The following ETNK2 variants were observed in gnomAD, a reference collection of about 807,000 sequenced individuals.
ETNK2 encodes the protein ethanolamine kinase 2.
In ETNK2, 33 loss-of-function variants were observed where a neutral mutation model predicts 46.2. The observed-to-expected ratio is 0.71, with a 90% CI of 0.54 to 0.96. The LOEUF (loss-of-function observed/expected upper bound fraction) is 0.96. Among genes scored for constraint, ETNK2 ranks in the 40% least tolerant of loss-of-function variants. The probability of loss-of-function intolerance (pLI) is 0.00; values close to 1 mark genes in which losing one functional copy is unlikely to be tolerated. For missense variants in ETNK2, 445 were observed against 509.7 expected, an observed-to-expected ratio of 0.87 and a Z score of 1.22; for synonymous variants, 194 against 209.0, an observed-to-expected ratio of 0.93 and a Z score of 0.62.
intron 6 of ETNK2, among the ~76,000 whole-genome samples, chr1:204,135,952 T>C (rs994028328): frequency 7.2e-5 from 11 of 152,084 alleles, no homozygotes; most frequent in Admixed American, 5.2e-4. Flanking sequence ...GCACTGAAAA[T>C]TGAGAACTGA....
chr1:204,136,403 G>GTATATATATATATATATATA (rs35373627), intron 6 of ETNK2, among the ~76,000 whole-genome samples: 85 of 139,790 alleles, frequency 6.1e-4, no homozygotes, highest in Middle Eastern at 7.2e-3. Context: ...CTCAAAAAAA[G>GTATATATATATATATATATA]TATATATATA....
intron 6 of ETNK2, among the ~76,000 whole-genome samples, chr1:204,136,211 C>T (rs1163152386): frequency 6.6e-6 from 1 of 151,580 alleles, no homozygotes; most frequent in African/African-American, 2.4e-5. Context: ...GCCTGGGCAA[C>T]ATAGCAATAG....
intron 2 of ETNK2, 40 bp from the exon 3 acceptor site, chr1:204,146,804 G>A: frequency 6.2e-7 from 1 of 1,612,798 alleles, no homozygotes; most frequent in Non-Finnish European, 8.5e-7. Context: ...TCAGTGCTGG[G>A]ACATTGCCTT....
chr1:204,145,341 G>T (rs1459276477), intron 3 of ETNK2, among the ~76,000 whole-genome samples: 2 of 152,254 alleles, frequency 1.3e-5, no homozygotes, highest in Non-Finnish European at 2.9e-5. Flanking sequence ...GATTATGTCT[G>T]AGCACCAGAA....
Position 204,149,689 on chromosome 1 carries a change from G to A in ETNK2, c.518+14C>T. 1 of 1,566,006 alleles carries A rather than the reference G, an allele frequency of 6.4e-7. No homozygotes were observed. The highest frequency in any genetic ancestry group is 8.7e-7 in the Non-Finnish European group (1 of 1,154,956). ...GAAGAATAGTAGAGACAGAGGCCCTGGCACCCTCCTCACCTGAAAAGCCGG... is the reference window on the plus strand; with the variant it reads ...GAAGAATAGTAGAGACAGAGGCCCTAGCACCCTCCTCACCTGAAAAGCCGG... On this transcript the variant is annotated intron_variant, in intron 2 of 7. Transcript: ENST00000367202.
chr1:204,151,132 G>T lies in ETNK2; in HGVS notation c.258+463C>A. On this transcript the variant is annotated intron_variant, in intron 1 of 7. Transcript: ENST00000367202. The surrounding 1 kb of genome is among the most constrained non-coding windows in gnomAD (Gnocchi z 8.0). Reference sequence around the variant, plus strand: ...ACAGGGTGGCTCCTGGGACCCACAGGGGCAGCTCAGAGCCTGGAGGATTTG... The same window carrying T: ...ACAGGGTGGCTCCTGGGACCCACAGTGGCAGCTCAGAGCCTGGAGGATTTG... The T allele has an allele frequency of 4.6e-6, 1 of 217,806 alleles. No individual in the cohort carries two copies. Among genetic ancestry groups the T allele is most frequent in the Non-Finnish European group, 9.1e-6 (1 of 110,266 alleles). 13.5% of individuals were successfully genotyped at this position (217,806 alleles called of 1,614,324 possible). A position where few individuals can be genotyped will look rare whatever the true frequency, so the allele number is the denominator to read the frequency against.
chr1:204,143,530 G>T (rs1397766209), intron 3 of ETNK2, among the ~76,000 whole-genome samples: 1 of 152,186 alleles, frequency 6.6e-6, no homozygotes, highest in African/African-American at 2.4e-5. Flanking sequence ...TTTCAAGGCT[G>T]TGGGATCGGC....
intron 3 of ETNK2, among the ~76,000 whole-genome samples, chr1:204,145,651 T>A (rs1159127756): frequency 2.0e-5 from 3 of 152,192 alleles, no homozygotes; most frequent in Non-Finnish European, 4.4e-5. Flanking sequence ...AAGTCATGCA[T>A]GTGTGTGACA....
At chr1:204,137,332 C>T in intron 5 of ETNK2, 83 bp from the exon 6 acceptor site, 1 of 1,490,866 alleles carries the variant, frequency 6.7e-7, no homozygotes, top group Non-Finnish European at 9.0e-7. Context: ...GTTCCCATCT[C>T]CCCTCAAACT....
Position 204,141,377 on chromosome 1 carries a change from G to C in ETNK2, c.722C>G (p.Ser241Cys). Residue 241 changes from serine (S) to cysteine (C), a missense_variant, in exon 4 of 8, where the codon TCC (serine) becomes TGC (cysteine). By Grantham distance (112) the Ser-to-Cys change is moderately radical. Transcript: ENST00000367202. ...WLKEHLSQLE[S>C]PVVFCHNDLL... The stretch of plus-strand genomic sequence containing the variant: ...GTCATTGTGACAAAACACCACAGGG[G>C]ACTCCAGCTGGGACAGATGCTCCTT... The C allele has an allele frequency of 6.2e-7, 1 of 1,613,948 alleles. No individual in the cohort carries two copies. The highest frequency in any genetic ancestry group is 2.2e-5 in the East Asian group (1 of 44,878).
chr1:204,137,492 G>A (rs1179503873), intron 5 of ETNK2, among the ~76,000 whole-genome samples: 1 of 152,180 alleles, frequency 6.6e-6, no homozygotes, highest in Non-Finnish European at 1.5e-5. Flanking sequence ...GAGAGAGGTA[G>A]ACTGGTTAAG....
chr1:204,144,701 C>T (rs932388344), intron 3 of ETNK2, among the ~76,000 whole-genome samples: 1 of 152,180 alleles, frequency 6.6e-6, no homozygotes, highest in Non-Finnish European at 1.5e-5. Context: ...CTAGCTCCAA[C>T]TCTGTAGTCC....
intron 1 of ETNK2, among the ~76,000 whole-genome samples, chr1:204,150,222 T>C (rs997343544): frequency 2.0e-5 from 3 of 152,048 alleles, no homozygotes; most frequent in Non-Finnish European, 2.9e-5. Flanking sequence ...CTCTAGTGAA[T>C]GGGATTTGGC....
In ETNK2 at chr1:204,151,882, G is replaced by T. The variant is rs1221005226; in HGVS notation, c.-30C>A. 7.1e-7 allele frequency: 1 copy of T among 1,416,556 alleles called. No individual in the cohort carries two copies. The highest frequency in any genetic ancestry group is 1.5e-5 in the South Asian group (1 of 65,512). The allele number at this position is 1,416,556 out of a possible 1,614,324, so 87.7% of individuals were successfully genotyped here. On this transcript the variant is annotated 5_prime_UTR_variant, in exon 1 of 8. Transcript: ENST00000367202. This position sits in a 1 kb window ranked among gnomAD's most constrained non-coding sequence, Gnocchi z 8.0. Reference sequence around the variant, plus strand: ...AGCAGCCCCACCCCCTCGGAGCCGCGGCAGACGCTAGCCCCGGCGGGGGGG... The same window carrying T: ...AGCAGCCCCACCCCCTCGGAGCCGCTGCAGACGCTAGCCCCGGCGGGGGGG...
Position 204,149,740 on chromosome 1 carries a change from G to C in ETNK2, c.481C>G (p.Leu161Val). The change falls in exon 2 of 8, where the codon CTG becomes GTG. Residue 161 changes from leucine (L) to valine (V), a missense_variant. By Grantham distance (32) the Leu-to-Val change is conservative. Coordinates refer to ENST00000367202, the MANE Select transcript of ETNK2 (RefSeq NM_018208.4). ...GGCTCACGGATGTGCTCAGGCTCCAGGGCCACACCCTGCATGTACTCATAG... is the reference window on the plus strand; with the variant it reads ...GGCTCACGGATGTGCTCAGGCTCCACGGCCACACCCTGCATGTACTCATAG... ...LCYEYMQGVA[L>V]EPEHIREPRL... is the part of the protein sequence containing the mutation. 6.2e-7 allele frequency: 1 copy of C among 1,600,324 alleles called. No individual in the cohort carries two copies. Among genetic ancestry groups the C allele is most frequent in the Non-Finnish European group, 8.5e-7 (1 of 1,173,994 alleles).
rs765332703 is a variant in ETNK2 at position 204,151,374 on chromosome 1, AG to A, written c.258+220del. 1.2e-5 allele frequency: 8 copies of A among 650,654 alleles called. No homozygotes were observed. The highest frequency in any genetic ancestry group is 2.0e-5 in the Non-Finnish European group (8 of 401,628). The allele number at this position is 650,654 out of a possible 1,614,324, so 40.3% of individuals were successfully genotyped here. On this transcript the variant is annotated intron_variant, in intron 1 of 7. Transcript: ENST00000367202. The surrounding 1 kb of genome is among the most constrained non-coding windows in gnomAD (Gnocchi z 8.0). The stretch of plus-strand genomic sequence containing the variant: ...CAGGTGGCCACCAGGCGTGCCTAAG[AG>A]CCCCGGGAGGAGGGGGGCGTGTGCA...
intron 7 of ETNK2, among the ~76,000 whole-genome samples, chr1:204,134,273 G>C (rs148292090): frequency 1.1e-3 from 174 of 152,370 alleles, no homozygotes; most frequent in African/African-American, 4.1e-3. Context: ...GTAGGATTTC[G>C]TGGGGACTAG....
At chr1:204,148,548 GT>G (rs1320515923) in intron 2 of ETNK2, among the ~76,000 whole-genome samples, 6 of 146,608 alleles carry the variant, frequency 4.1e-5, no homozygotes, top group Non-Finnish European at 8.9e-5. Context: ...GCATAGGTCT[GT>G]ATGCCTCTCA....
chr1:204,140,300 A>G (rs201304287), intron 4 of ETNK2, among the ~76,000 whole-genome samples, 182 bp from the exon 5 acceptor site: 26,394 of 138,854 alleles, frequency 0.19, 2,706 homozygotes, highest in East Asian at 0.4. Context: ...CCATCCATCC[A>G]TCCATCCATC....
Sources: gnomAD v4.1 joint callset for allele counts (sites outside exome capture counted in the v4.1 genomes callset) on GRCh38, gnomAD v4.1.1 for gene constraint, Gnocchi (gnomAD v3.1) non-coding constraint, MANE v1.5 for transcripts, NCBI Gene and HGNC (gene_info 2026-07-23, HGNC 2026-07-21) for gene names.